SMG1: variants seen among roughly 807,000 people sequenced by gnomAD.
The protein encoded by SMG1 is serine/threonine-protein kinase SMG1.
A neutral mutation model predicts 419.9 loss-of-function variants in SMG1; 22 were observed. The observed-to-expected ratio is 0.05, with a 90% confidence interval of 0.04 to 0.07. The LOEUF is 0.07. Among genes scored for constraint, SMG1 ranks in the 10% least tolerant of loss-of-function variants. SMG1 has a pLI of 1.00. For missense variants in SMG1, 3,185 were observed against 4,342.0 expected (o/e 0.73, Z 7.49); for synonymous variants, 1,538 against 1,553.5 (o/e 0.99, Z 0.23).
At chr16:18,915,041 C>T (rs2037919610) in intron 1 of SMG1, among the ~76,000 whole-genome samples, 1 of 151,258 alleles carries the variant, frequency 6.6e-6, no homozygotes, top group African/African-American at 2.4e-5. Context: ...GCATCATCTC[C>T]ACTCACTGCA....
intron 1 of SMG1, among the ~76,000 whole-genome samples, chr16:18,897,168 T>C (rs2141855811): frequency 6.6e-6 from 1 of 152,330 alleles, no homozygotes; most frequent in Middle Eastern, 3.4e-3. Context: ...TTTCAGTCTC[T>C]TCTATTGTTC....
chr16:18,859,457 T>C, intron 27 of SMG1, 99 bp downstream of exon 27: 1 of 637,686 alleles, frequency 1.6e-6, no homozygotes, highest in East Asian at 2.7e-5. Flanking sequence ...GCACTAGTAT[T>C]TAGTAATCTA....
chr16:18,922,524 G>A (rs2038235756), intron 1 of SMG1, among the ~76,000 whole-genome samples: 2 of 152,178 alleles, frequency 1.3e-5, no homozygotes, highest in South Asian at 4.1e-4. Context: ...GGAGTGCAGT[G>A]GTGTGATGTC....
chr16:18,892,301 T>C lies in SMG1; in HGVS notation c.466A>G (p.Ile156Val). The stretch of plus-strand genomic sequence containing the variant: ...CGGTCTCTGTCGTCTTCCCGGGTGA[T>C]CCTCCGAAGAAGATTCGACAGTCGA... Reference protein sequence around the residue: ...ESRLSNLLRRITREDDRDRRL... With the variant: ...ESRLSNLLRRVTREDDRDRRL... The change falls in exon 4 of 63, where the codon ATC becomes GTC. Residue 156 changes from isoleucine (I) to valine (V), a missense_variant. Coordinates refer to ENST00000446231, the MANE Select transcript of SMG1 (RefSeq NM_015092.5). 1 of 1,550,132 alleles carries C rather than the reference T, an allele frequency of 6.5e-7. No homozygotes were observed. Among genetic ancestry groups the C allele is most frequent in the East Asian group, 2.4e-5 (1 of 41,154 alleles).
At chr16:18,831,770 AAT>A (rs1567332792) in intron 51 of SMG1, among the ~76,000 whole-genome samples, 2 of 93,340 alleles carry the variant, frequency 2.1e-5, no homozygotes, top group African/African-American at 3.9e-5. Context: ...AAAAAAAAAA[AAT>A]ACATATATAT....
chr16:18,905,792 A>G (rs2037538096), intron 1 of SMG1, among the ~76,000 whole-genome samples: 1 of 151,902 alleles, frequency 6.6e-6, no homozygotes, highest in Non-Finnish European at 1.5e-5. Flanking sequence ...TTGTATTTTT[A>G]GTAGAGACGG....
chr16:18,847,222 T>C (rs566704148), intron 38 of SMG1, among the ~76,000 whole-genome samples: 1 of 152,102 alleles, frequency 6.6e-6, no homozygotes, highest in Non-Finnish European at 1.5e-5. Flanking sequence ...GGCCAGGAAC[T>C]GAGGTGAGGG....
At chr16:18,819,684 G>A in intron 55 of SMG1, 30 bp from the exon 56 acceptor site, 1 of 1,497,312 alleles carries the variant, frequency 6.7e-7, no homozygotes, top group Non-Finnish European at 8.9e-7. Context: ...CTTGGTGAAG[G>A]TATATGACAT....
intron 46 of SMG1, 69 bp downstream of exon 46, chr16:18,837,184 G>T: frequency 7.8e-7 from 1 of 1,281,318 alleles, no homozygotes; most frequent in Non-Finnish European, 1.1e-6. Flanking sequence ...AATCCATATT[G>T]ATGTTTACAT....
At chr16:18,844,192 G>C (rs1319733871) in intron 39 of SMG1, among the ~76,000 whole-genome samples, 1 of 152,040 alleles carries the variant, frequency 6.6e-6, no homozygotes, top group Non-Finnish European at 1.5e-5. Flanking sequence ...ACTTTGGGAG[G>C]CCGAGGAGGG....
intron 35 of SMG1, 62 bp downstream of exon 35, chr16:18,849,887 T>C: frequency 2.0e-6 from 3 of 1,498,240 alleles, no homozygotes; most frequent in Non-Finnish European, 2.7e-6. Context: ...AAACCACTTT[T>C]TGAAATCTTA....
At chr16:18,839,590 G>T in intron 42 of SMG1, 108 bp downstream of exon 42, 2 of 1,424,192 alleles carry the variant, frequency 1.4e-6, no homozygotes, top group African/African-American at 1.4e-5. Context: ...AAACTACCAA[G>T]TCTGGAGGGA....
At chr16:18,816,182 G>T in intron 58 of SMG1, 120 bp downstream of exon 58, 2 of 782,006 alleles carry the variant, frequency 2.6e-6, no homozygotes, top group Non-Finnish European at 4.0e-6. Flanking sequence ...CAAACAAATT[G>T]GAAGATGTGA....
intron 1 of SMG1, among the ~76,000 whole-genome samples, chr16:18,915,545 A>G (rs2037936796): frequency 6.6e-6 from 1 of 152,146 alleles, no homozygotes; most frequent in Non-Finnish European, 1.5e-5. Context: ...TTATTGATGC[A>G]CTTAGTAGGA....
At chr16:18,884,907 C>A in intron 8 of SMG1, 183 bp downstream of exon 8, 2 of 595,108 alleles carry the variant, frequency 3.4e-6, no homozygotes, top group South Asian at 4.0e-5. Context: ...ACTGTACCCA[C>A]CTACTAGTAA....
At chr16:18,899,138 T>C (rs1188899411) in intron 1 of SMG1, among the ~76,000 whole-genome samples, 1 of 152,148 alleles carries the variant, frequency 6.6e-6, no homozygotes, top group Non-Finnish European at 1.5e-5. Context: ...AGTATATGAA[T>C]ATAATCAAGA....
chr16:18,894,808 G>T (rs1006866479), intron 3 of SMG1, among the ~76,000 whole-genome samples: 3 of 151,662 alleles, frequency 2.0e-5, no homozygotes, highest in African/African-American at 7.3e-5. Flanking sequence ...CCAATCCTCT[G>T]AACTTTCTTT....
chr16:18,828,956 C>T (rs968596961), intron 54 of SMG1, among the ~76,000 whole-genome samples: 4 of 151,804 alleles, frequency 2.6e-5, no homozygotes, highest in South Asian at 4.2e-4. Context: ...CGAGATCGCG[C>T]CATTGCACTC....
intron 42 of SMG1, among the ~76,000 whole-genome samples, chr16:18,838,963 C>T (rs1305655601): frequency 6.6e-6 from 1 of 151,874 alleles, no homozygotes; most frequent in Non-Finnish European, 1.5e-5. Flanking sequence ...CCTAGTTTGT[C>T]CCTTTCTAAA....
Sources: gnomAD v4.1 joint callset for allele counts (sites outside exome capture counted in the v4.1 genomes callset) on GRCh38, gnomAD v4.1.1 for gene constraint, MANE v1.5 for transcripts, NCBI Gene and HGNC (gene_info 2026-07-23, HGNC 2026-07-21) for gene names.